CCM2: variants seen among roughly 807,000 people sequenced by gnomAD.
The protein encoded by CCM2 is cerebral cavernous malformations 2 protein.
A neutral mutation model predicts 44.9 loss-of-function variants in CCM2; 25 were observed. That is an observed-to-expected ratio of 0.56 (90% CI 0.41 to 0.78). CCM2 has a LOEUF of 0.78. Among genes scored for constraint, CCM2 ranks in the 30% least tolerant of loss-of-function variants. CCM2 has a pLI of 0.00. For missense variants in CCM2, 481 were observed against 580.6 expected (o/e 0.83, Z 1.76); for synonymous variants, 219 against 241.1 (o/e 0.91, Z 0.85).
chr7:45,029,778 C>T (rs1159681522), intron 1 of CCM2, among the ~76,000 whole-genome samples: 2 of 152,328 alleles, frequency 1.3e-5, no homozygotes, highest in East Asian at 3.8e-4. Flanking sequence ...AGAGCCTGAG[C>T]CTTGGCTTTG....
chr7:45,065,870 A>T (rs1798748205), intron 4 of CCM2, among the ~76,000 whole-genome samples: 1 of 152,152 alleles, frequency 6.6e-6, no homozygotes, highest in African/African-American at 2.4e-5. Context: ...ATCCGACACC[A>T]TGGTGACCCT....
At chr7:45,072,993 C>T in intron 7 of CCM2, 1 of 652,636 alleles carries the variant, frequency 1.5e-6, no homozygotes, top group Non-Finnish European at 2.8e-6. Flanking sequence ...TCCCTCTTGT[C>T]TCTCCCTGCC....
chr7:45,055,868 A>G (rs961901938), intron 2 of CCM2, among the ~76,000 whole-genome samples: 5 of 151,988 alleles, frequency 3.3e-5, no homozygotes, highest in African/African-American at 1.2e-4. Context: ...CCTGGCAACC[A>G]CCGCTTTACT....
At chr7:45,070,098 T>C (rs931791080) in intron 6 of CCM2, 137 bp downstream of exon 6, 18 of 1,124,252 alleles carry the variant, frequency 1.6e-5, no homozygotes, top group Admixed American at 7.9e-5. Flanking sequence ...TTCCAGACTT[T>C]GCTGTTCACA....
intron 1 of CCM2, among the ~76,000 whole-genome samples, chr7:45,008,039 ATTT>A (rs66538861): frequency 0.23 from 29,816 of 127,294 alleles, 5,929 homozygotes; most frequent in African/African-American, 0.58. Context: ...GGTGGGGTAC[ATTT>A]TTTTTTTTTT....
rs115141216 is a variant in CCM2 at position 45,027,479 on chromosome 7, A to G, written c.31-10774A>G. On this transcript the variant is annotated intron_variant, in intron 1 of 9. Transcript: ENST00000258781. Reference sequence around the variant, plus strand: ...TTCGCGTGCTGTGGGAAGTAGGGAAAATGAGCTGGTTTACTTTGTGTCTTT... The same window carrying G: ...TTCGCGTGCTGTGGGAAGTAGGGAAGATGAGCTGGTTTACTTTGTGTCTTT... 6.9e-4 allele frequency: 474 copies of G among 689,616 alleles called. 2 individuals carry two copies. The African/African-American group carries it at 7.9e-3, about 12-fold the overall frequency. 42.7% of individuals were successfully genotyped at this position (689,616 alleles called of 1,614,324 possible).
intron 2 of CCM2, among the ~76,000 whole-genome samples, chr7:45,057,315 G>A (rs1188110365): frequency 8.6e-5 from 13 of 151,944 alleles, no homozygotes; most frequent in East Asian, 3.9e-4. Flanking sequence ...GGTGTGCGCC[G>A]CCACACCCGG....
At chr7:45,064,675 C>T in intron 4 of CCM2, 29 bp downstream of exon 4, 5 of 1,612,270 alleles carry the variant, frequency 3.1e-6, no homozygotes, top group Non-Finnish European at 3.4e-6. Context: ...CAGGAGGGTC[C>T]TTGTCCTAAG....
intron 1 of CCM2, among the ~76,000 whole-genome samples, 174 bp downstream of exon 1, chr7:45,000,537 C>T (rs956086793): frequency 6.6e-6 from 1 of 151,538 alleles, no homozygotes; most frequent in Non-Finnish European, 1.5e-5. Flanking sequence ...GCTTTCGCGG[C>T]CGGGCGGGCA....
At chr7:45,007,363 G>A (rs900828915) in intron 1 of CCM2, among the ~76,000 whole-genome samples, 8 of 152,138 alleles carry the variant, frequency 5.3e-5, no homozygotes, top group African/African-American at 7.2e-5. Flanking sequence ...CTTTGTTAGC[G>A]CGCTTCGCAC....
At position 45,068,530 on chromosome 7, in the gene CCM2, T is replaced by C. The variant is rs377719633; in HGVS notation, c.560T>C (p.Val187Ala). 3.1e-6 allele frequency: 5 copies of C among 1,614,008 alleles called. No homozygotes were observed. Among genetic ancestry groups the C allele is most frequent in the Non-Finnish European group, 3.4e-6 (4 of 1,180,002 alleles). The change falls in exon 5 of 10, where the codon GTT (valine) becomes GCT (alanine). Residue 187 changes from valine to alanine, a missense_variant. By Grantham distance (64) the Val-to-Ala change is moderately conservative (BLOSUM62 0). Coordinates refer to ENST00000258781, the MANE Select transcript of CCM2 (RefSeq NM_031443.4). The stretch of plus-strand genomic sequence containing the variant: ...GCAGGCTCCCTGTCGGAGAGTGCAG[T>C]TGGGCCCGTGGAGGCATGCTGCCTG... ...LSAGSLSESA[V>A]GPVEACCLVI...
intron 1 of CCM2, among the ~76,000 whole-genome samples, chr7:45,003,601 A>T (rs1185191017): frequency 1.3e-5 from 2 of 151,968 alleles, no homozygotes; most frequent in Admixed American, 1.3e-4. Context: ...GCGTGGTGGC[A>T]TGTGCCTATA....
intron 2 of CCM2, among the ~76,000 whole-genome samples, chr7:45,042,974 T>C (rs950409803): frequency 1.8e-4 from 27 of 150,792 alleles, no homozygotes; most frequent in South Asian, 6.3e-4. Context: ...TCTTCTTTTT[T>C]TTTTTTTTTT....
chr7:45,069,804 C>T (rs1407283096), intron 5 of CCM2, 22 bp from the exon 6 acceptor site: 3 of 1,613,614 alleles, frequency 1.9e-6, no homozygotes, highest in East Asian at 2.2e-5. Context: ...ACTGACCGAG[C>T]AGCTGCTGTC....
rs553946033 is a variant in CCM2 at position 45,073,499 on chromosome 7, C to G, written c.843C>G (p.Pro281=). Residue 281 remains proline, a synonymous_variant, in exon 8 of 10, where the codon CCC becomes CCG. Transcript: ENST00000258781. ...CTGTGGATGTGGGTGGTGCATCACC[C>G]CACAGCAAGACCATCAGTGAGAGCG... is the stretch of plus-strand genomic sequence containing the variant. ...PESVDVGGAS[P]HSKTISESEL... 6.2e-6 allele frequency: 10 copies of G among 1,613,388 alleles called. No individual in the cohort carries two copies. The highest frequency in any genetic ancestry group is 2.7e-5 in the African/African-American group (2 of 75,036).
At chr7:45,018,177 C>T (rs1375125441) in intron 1 of CCM2, among the ~76,000 whole-genome samples, 1 of 152,152 alleles carries the variant, frequency 6.6e-6, no homozygotes, top group Non-Finnish European at 1.5e-5. Flanking sequence ...CCACTGATCT[C>T]ACAGGAGGCG....
intron 2 of CCM2, among the ~76,000 whole-genome samples, chr7:45,055,160 A>G (rs982816767): frequency 1.3e-5 from 2 of 152,142 alleles, no homozygotes; most frequent in Non-Finnish European, 2.9e-5. Context: ...ATGTCGTGTC[A>G]CCCCAGCCAC....
chr7:45,031,381 CAA>C (rs35741858), intron 1 of CCM2, among the ~76,000 whole-genome samples: 55 of 57,480 alleles, frequency 9.6e-4, no homozygotes, highest in Admixed American at 1.6e-3. Flanking sequence ...GACTCCAGGT[CAA>C]AAAAAAAAAA....
chr7:45,046,366 C>T (rs1444385844), intron 2 of CCM2, among the ~76,000 whole-genome samples: 3 of 152,202 alleles, frequency 2.0e-5, no homozygotes, highest in Admixed American at 6.5e-5. Flanking sequence ...ATACTGCTAT[C>T]ACAATCAAGA....
Sources: allele counts gnomAD v4.1 joint callset (sites outside exome capture counted in the v4.1 genomes callset), GRCh38; gene constraint gnomAD v4.1.1; transcripts MANE v1.5; gene names NCBI Gene and HGNC (gene_info 2026-07-23, HGNC 2026-07-21).